The following VPS35L variants were observed in gnomAD, a reference collection of about 807,000 sequenced individuals.
The protein encoded by VPS35L is VPS35 endosomal protein-sorting factor-like.
A neutral mutation model predicts 133.0 loss-of-function variants in VPS35L; 83 were observed. That is an observed-to-expected ratio of 0.62 (90% CI 0.52 to 0.75). VPS35L has a LOEUF of 0.75. VPS35L is among the 30% of genes least tolerant of loss of function. VPS35L has a pLI of 0.00. For synonymous variants in VPS35L, 423 were observed against 449.9 expected, an observed-to-expected ratio of 0.94 and a Z score of 0.76; for missense variants, 1,083 against 1,206.8, an observed-to-expected ratio of 0.90 and a Z score of 1.52.
chr16:19,563,154 A>G (rs1971079583), intron 1 of VPS35L, among the ~76,000 whole-genome samples: 1 of 152,040 alleles, frequency 6.6e-6, no homozygotes, highest in African/African-American at 2.4e-5. Flanking sequence ...AGCACAGAAG[A>G]CACAGGGACC....
intron 26 of VPS35L, among the ~76,000 whole-genome samples, chr16:19,656,089 C>T (rs772159464): frequency 5.3e-5 from 8 of 151,622 alleles, no homozygotes; most frequent in Non-Finnish European, 1.0e-4. Context: ...ATGGTGAAAC[C>T]CCGTCTCTAC....
At chr16:19,628,373 A>T (rs1973336692) in intron 16 of VPS35L, among the ~76,000 whole-genome samples, 1 of 152,172 alleles carries the variant, frequency 6.6e-6, no homozygotes, top group Non-Finnish European at 1.5e-5. Context: ...AAACAAAAGG[A>T]TATATCTTCA....
chr16:19,602,716 C>T (rs910167700), intron 9 of VPS35L, among the ~76,000 whole-genome samples: 1 of 152,114 alleles, frequency 6.6e-6, no homozygotes, highest in Non-Finnish European at 1.5e-5. Flanking sequence ...GATTCTCCTG[C>T]TTCACCCTCC....
chr16:19,574,522 C>G (rs935372122), intron 4 of VPS35L, among the ~76,000 whole-genome samples: 3 of 152,112 alleles, frequency 2.0e-5, no homozygotes, highest in Non-Finnish European at 4.4e-5. Context: ...AACGCCTCTT[C>G]TCTTCATTTT....
chr16:19,562,022 T>C (rs1004857859), intron 1 of VPS35L, among the ~76,000 whole-genome samples: 1 of 152,060 alleles, frequency 6.6e-6, no homozygotes, highest in African/African-American at 2.4e-5. Flanking sequence ...GGAGGATGGC[T>C]TAAACCTGAG....
At chr16:19,575,013 TTGGGTATGTAAA>T in intron 4 of VPS35L, 73 bp from the exon 5 acceptor site, 1 of 1,102,908 alleles carries the variant, frequency 9.1e-7, no homozygotes, top group South Asian at 1.5e-5. Context: ...TTTCTTTCTC[TTGGGTATGTAAA>T]TGGCTCTGTT....
At position 19,682,212 on chromosome 16, in the gene VPS35L, G is replaced by A. The variant is rs771362711; in HGVS notation, c.2362-13G>A. ...CTTTGGGATTATTTATCCTTTTTTC[G>A]GTTCTCTGCTAGGATCATCCTGAAC... On this transcript the variant is annotated splice_polypyrimidine_tract_variant and intron_variant, in intron 27 of 30. Coordinates refer to ENST00000417362, the MANE Select transcript of VPS35L (RefSeq NM_020314.7). The A allele has an allele frequency of 6.3e-6, 10 of 1,592,664 alleles. No individual in the cohort carries two copies. Among genetic ancestry groups the A allele is most frequent in the South Asian group, 5.7e-5 (5 of 87,740 alleles).
At chr16:19,581,391 A>C (rs979129584) in intron 6 of VPS35L, 134 bp from the exon 7 acceptor site, 13 of 1,034,952 alleles carry the variant, frequency 1.3e-5, no homozygotes, top group African/African-American at 1.7e-5. Context: ...TTGCAAGGCA[A>C]AGCTGTCAAT....
intron 5 of VPS35L, among the ~76,000 whole-genome samples, chr16:19,577,626 C>G (rs1971577642): frequency 6.6e-6 from 1 of 152,132 alleles, no homozygotes; most frequent in Non-Finnish European, 1.5e-5. Context: ...TTGTTTGTGC[C>G]TAACCCCACT....
chr16:19,603,225 T>G (rs1206685174), intron 9 of VPS35L, among the ~76,000 whole-genome samples: 2 of 151,952 alleles, frequency 1.3e-5, no homozygotes, highest in African/African-American at 2.4e-5. Flanking sequence ...TACGGAAGAG[T>G]CTTGCCCAGG....
chr16:19,700,472 C>T lies in VPS35L; in HGVS notation c.2888C>T (p.Thr963Ile), dbSNP rs1362267910. ...CTCAGACTCCCTCTGCAAACAAGGA[C>T]CTGACCCCCGGGCCCATCCCCAGGC... ...LALRLPLQTRT is the reference protein window; with the variant it reads ...LALRLPLQTRI The change falls in exon 31 of 31, where the codon ACC (threonine) becomes ATC (isoleucine). Residue 963 changes from threonine (T) to isoleucine (I), a missense_variant. Thr to Ile is a moderately conservative substitution (Grantham distance 89). Transcript: ENST00000417362. 1 of 1,613,854 alleles carries T rather than the reference C, an allele frequency of 6.2e-7. No individual in the cohort carries two copies.
Position 19,675,970 on chromosome 16 carries a change from T to C in VPS35L, c.2362-6255T>C, listed in dbSNP as rs192320664. 4.5e-4 allele frequency among the ~76,000 whole-genome samples: 69 copies of C among 152,218 alleles called. No homozygotes were observed. In the East Asian group the frequency reaches 0.011, roughly 25 times the overall value. On this transcript the variant is annotated intron_variant, in intron 27 of 30. Coordinates refer to ENST00000417362, the MANE Select transcript of VPS35L (RefSeq NM_020314.7). ...TTATTTGTTTAGAAAAGATAGGAAC[T>C]ACCAGGCACGGCTGCTCATACCTGT... is the stretch of plus-strand genomic sequence containing the variant.
At chr16:19,665,049 T>C (rs927880872) in intron 26 of VPS35L, among the ~76,000 whole-genome samples, 6 of 152,162 alleles carry the variant, frequency 3.9e-5, no homozygotes, top group Non-Finnish European at 8.8e-5. Flanking sequence ...AAAATTTTTG[T>C]GGGTACTTAG....
rs996051279 is a variant in VPS35L at position 19,555,833 on chromosome 16, C to G, written c.17+87C>G. 4 of 1,495,850 alleles carry G rather than the reference C, an allele frequency of 2.7e-6. No homozygotes were observed. The Admixed American group carries it at 6.9e-5, about 26-fold the overall frequency. The allele number at this position is 1,495,850 out of a possible 1,614,324, so 92.7% of individuals were successfully genotyped here. ...CCTGGGTCTGAGAGTGTGAATTCCT[C>G]TCTGTCGGGTTCTGGTGGTCGACCG... On this transcript the variant is annotated intron_variant, in intron 1 of 30. Transcript: ENST00000417362.
chr16:19,619,005 G>A (rs1236168497), intron 14 of VPS35L, among the ~76,000 whole-genome samples: 3 of 149,824 alleles, frequency 2.0e-5, no homozygotes, highest in Non-Finnish European at 3.0e-5. Context: ...ATCTCGGCTC[G>A]CTACAACCTC....
At chr16:19,591,490 A>G (rs1972040866) in intron 7 of VPS35L, among the ~76,000 whole-genome samples, 1 of 151,640 alleles carries the variant, frequency 6.6e-6, no homozygotes, top group Admixed American at 6.6e-5. Context: ...CTGAGGTGGG[A>G]GGATCACTTG....
intron 28 of VPS35L, among the ~76,000 whole-genome samples, chr16:19,685,433 C>G (rs1975423935): frequency 6.6e-6 from 1 of 152,140 alleles, no homozygotes; most frequent in Non-Finnish European, 1.5e-5. Context: ...TTCATTCCTT[C>G]TGGATGGAAA....
intron 27 of VPS35L, among the ~76,000 whole-genome samples, chr16:19,669,673 CTTTT>C (rs201351902): frequency 6.9e-6 from 1 of 145,544 alleles, no homozygotes. Flanking sequence ...TTCTGTCTCT[CTTTT>C]TTTTTTTTTT....
chr16:19,628,270 G>T (rs1973332837), intron 16 of VPS35L, among the ~76,000 whole-genome samples: 1 of 152,108 alleles, frequency 6.6e-6, no homozygotes, highest in African/African-American at 2.4e-5. Flanking sequence ...AGGCTAAGGT[G>T]GGAGAATTGC....
Sources: gnomAD v4.1 joint callset for allele counts (sites outside exome capture counted in the v4.1 genomes callset) on GRCh38, gnomAD v4.1.1 for gene constraint, MANE v1.5 for transcripts, NCBI Gene and HGNC (gene_info 2026-07-23, HGNC 2026-07-21) for gene names.